CPXM2: variants seen among roughly 807,000 people sequenced by gnomAD.
The protein encoded by CPXM2 is inactive carboxypeptidase-like protein X2.
CPXM2 carries 66 observed loss-of-function variants against 86.1 expected under a neutral mutation model. The observed-to-expected ratio is 0.77, with a 90% CI of 0.63 to 0.94. The LOEUF (loss-of-function observed/expected upper bound fraction) is 0.94. Ranked by LOEUF, CPXM2 falls within the 40% of genes least tolerant of loss-of-function variation. CPXM2 has a pLI of 0.00. For missense variants in CPXM2, 948 were observed against 1,026.3 expected, an observed-to-expected ratio of 0.92 and a Z score of 1.04; for synonymous variants, 388 against 400.2, an observed-to-expected ratio of 0.97 and a Z score of 0.36.
At chr10:123,768,214 C>A (rs894499740) in intron 9 of CPXM2, among the ~76,000 whole-genome samples, 2 of 152,028 alleles carry the variant, frequency 1.3e-5, no homozygotes, top group African/African-American at 4.8e-5. Context: ...CTCCTCTCTA[C>A]TAAAAATACA....
At chr10:123,904,232 T>A (rs1408894174) in intron 2 of CPXM2, among the ~76,000 whole-genome samples, 1 of 152,214 alleles carries the variant, frequency 6.6e-6, no homozygotes, top group Non-Finnish European at 1.5e-5. Flanking sequence ...CCTGCCTCTT[T>A]CCTGGCTCTG....
intron 6 of CPXM2, among the ~76,000 whole-genome samples, chr10:123,783,365 A>C (rs1589993984): frequency 6.6e-6 from 1 of 152,146 alleles, no homozygotes; most frequent in Non-Finnish European, 1.5e-5. Context: ...TTCCGGTAAC[A>C]CTCATGTGGG....
chr10:123,922,732 G>A (rs941256578), intron 2 of CPXM2, among the ~76,000 whole-genome samples: 4 of 152,200 alleles, frequency 2.6e-5, no homozygotes, highest in Non-Finnish European at 4.4e-5. Context: ...GGGATGGGGA[G>A]GGAAGTTCTT....
intron 2 of CPXM2, among the ~76,000 whole-genome samples, chr10:123,916,834 G>A (rs1332455768): frequency 6.6e-6 from 1 of 151,596 alleles, no homozygotes; most frequent in Non-Finnish European, 1.5e-5. Flanking sequence ...GTGGAGTGCA[G>A]TGGTGCAATC....
At chr10:123,753,591 A>G (rs540733690) in intron 13 of CPXM2, among the ~76,000 whole-genome samples, 1 of 152,332 alleles carries the variant, frequency 6.6e-6, no homozygotes, top group African/African-American at 2.4e-5. Context: ...CAACTGAGAG[A>G]AAGCATGTAT....
chr10:123,776,582 G>C (rs2134020158), intron 7 of CPXM2: 1 of 152,354 alleles, frequency 6.6e-6, no homozygotes, highest in South Asian at 2.1e-4. Flanking sequence ...AAATGCTCCA[G>C]AGCAGGAAAG....
chr10:123,773,644 G>C (rs919832331), intron 7 of CPXM2, among the ~76,000 whole-genome samples: 1 of 152,166 alleles, frequency 6.6e-6, no homozygotes, highest in Non-Finnish European at 1.5e-5. Flanking sequence ...GGAGCTTGCA[G>C]CACACAGCCA....
At position 123,932,944 on chromosome 10, in the gene CPXM2, C is replaced by A. The variant is rs964555604; in HGVS notation, n.174+6533G>T. On this transcript the variant is annotated intron_variant and non_coding_transcript_variant, in intron 2 of 19. Transcript: ENST00000368854. The stretch of plus-strand genomic sequence containing the variant: ...GCATTGTAAGCCATAACAACTGGGT[C>A]TCCTGGAGCACAACTTCAAAAGGTA... Among the ~76,000 whole-genome samples the A allele has an allele frequency of 6.6e-5, 10 of 152,304 alleles. No individual in the cohort carries two copies. In the South Asian group the frequency reaches 1.7e-3, roughly 25 times the overall value.
chr10:123,883,284 G>T lies in CPXM2; in HGVS notation c.305-2975C>A, dbSNP rs913194899. On this transcript the variant is annotated intron_variant, in intron 1 of 13. Coordinates refer to ENST00000241305, the MANE Select transcript of CPXM2 (RefSeq NM_198148.3). ...GATGGGGCTGAGACAGCAGGCAGGG[G>T]CCCAGCACCTTCGCTGGGGAGGAGG... Among the ~76,000 whole-genome samples, 4 of 152,236 alleles carry T rather than the reference G, an allele frequency of 2.6e-5. No homozygotes were observed. In the East Asian group the frequency reaches 7.7e-4, roughly 29 times the overall value.
chr10:123,808,665 G>A (rs1297434243), intron 4 of CPXM2, among the ~76,000 whole-genome samples: 2 of 151,952 alleles, frequency 1.3e-5, no homozygotes, highest in African/African-American at 4.8e-5. Flanking sequence ...GTTTCAGCAG[G>A]TACAATTAAG....
chr10:123,882,417 G>A (rs1945108246), intron 1 of CPXM2, among the ~76,000 whole-genome samples: 1 of 152,150 alleles, frequency 6.6e-6, no homozygotes, highest in South Asian at 2.1e-4. Context: ...CGTGGAAGAA[G>A]GCCACCTCCC....
At chr10:123,848,009 C>G (rs1447638896) in intron 3 of CPXM2, among the ~76,000 whole-genome samples, 1 of 152,184 alleles carries the variant, frequency 6.6e-6, no homozygotes, top group Non-Finnish European at 1.5e-5. Flanking sequence ...TTACAGCTGC[C>G]TCTCTGCAGA....
At chr10:123,785,585 T>C (rs1847034371) in intron 6 of CPXM2, among the ~76,000 whole-genome samples, 1 of 151,826 alleles carries the variant, frequency 6.6e-6, no homozygotes, top group Admixed American at 6.6e-5. Context: ...TGGCTTGGTA[T>C]CTCCTTTCCT....
At chr10:123,773,047 CCCCTGGTTGTGGTTATCACTT>C (rs934718287) in intron 7 of CPXM2, among the ~76,000 whole-genome samples, 3 of 149,920 alleles carry the variant, frequency 2.0e-5, no homozygotes, top group African/African-American at 7.4e-5. Flanking sequence ...GGTCATCATT[CCCCTGGTTGTGGTTATCACTT>C]CCCTGATTGT....
At position 123,781,700 on chromosome 10, in the gene CPXM2, G is replaced by A. The variant is rs183406332; in HGVS notation, c.890-1445C>T. ...TCTGTGCCACCAACTGTGGTCCACAGACCAGTAGCATTGCCTGTTCGCTAT... is the reference window on the plus strand; with the variant it reads ...TCTGTGCCACCAACTGTGGTCCACAAACCAGTAGCATTGCCTGTTCGCTAT... On this transcript the variant is annotated intron_variant, in intron 6 of 13. Coordinates refer to ENST00000241305, the MANE Select transcript of CPXM2 (RefSeq NM_198148.3). 2.7e-4 allele frequency among the ~76,000 whole-genome samples: 41 copies of A among 152,302 alleles called. No individual in the cohort carries two copies. The East Asian group carries it at 7.3e-3, about 27-fold the overall frequency.
chr10:123,798,290 C>T lies in CPXM2; in HGVS notation c.739-164G>A, dbSNP rs182436185. ...AAAAAGAAATGAATCAGGCCTGGAT[C>T]CTGCCCTCAGGAAGCCTCCATCTAG... On this transcript the variant is annotated intron_variant, in intron 5 of 13. Transcript: ENST00000241305. 8.1e-4 allele frequency among the ~76,000 whole-genome samples: 122 copies of T among 151,136 alleles called. 2 individuals carry two copies. Among genetic ancestry groups the T allele is most frequent in the Admixed American group, 7.8e-3 (119 of 15,190 alleles).
chr10:123,895,758 A>G (rs1228216492), upstream of CPXM2, among the ~76,000 whole-genome samples: 1 of 152,230 alleles, frequency 6.6e-6, no homozygotes, highest in African/African-American at 2.4e-5. Context: ...TAAACCAGAC[A>G]CACCAGTCGG....
intron 11 of CPXM2, among the ~76,000 whole-genome samples, chr10:123,757,762 T>A (rs2133980403): frequency 6.6e-6 from 1 of 152,350 alleles, no homozygotes. Context: ...GCTATAGCTC[T>A]ATGACAGTCT....
intron 10 of CPXM2, 21 bp from the exon 11 acceptor site, chr10:123,762,190 C>G (rs374862514): frequency 6.2e-7 from 1 of 1,613,878 alleles, no homozygotes; most frequent in African/African-American, 1.3e-5. Flanking sequence ...CCCAAATGGA[C>G]GAGTAAAATA....
Sources: allele counts gnomAD v4.1 joint callset (sites outside exome capture counted in the v4.1 genomes callset), GRCh38; gene constraint gnomAD v4.1.1; transcripts MANE v1.5; gene names NCBI Gene and HGNC (gene_info 2026-07-23, HGNC 2026-07-21).